FAM135B: variants seen among roughly 807,000 people sequenced by gnomAD.
FAM135B encodes the protein family with sequence similarity 135 member B, also known as protein FAM135B.
Under a neutral mutation model 127.7 loss-of-function variants are expected in FAM135B, and 43 were observed. That is an observed-to-expected ratio of 0.34 (90% confidence interval 0.26 to 0.43). FAM135B has a LOEUF of 0.43. Ranked by LOEUF, FAM135B falls within the 20% of genes least tolerant of loss-of-function variation. FAM135B has a pLI of 1.00. For missense variants in FAM135B, 1,558 were observed against 1,725.6 expected (o/e 0.90, Z 1.72); for synonymous variants, 670 against 665.1 (o/e 1.01, Z -0.11).
At chr8:138,395,464 C>T (rs1832795844) in intron 1 of FAM135B, among the ~76,000 whole-genome samples, 1 of 152,152 alleles carries the variant, frequency 6.6e-6, no homozygotes. Flanking sequence ...AGTCTGTATC[C>T]ACCATCGGCT....
chr8:138,354,038 A>G (rs934991575), intron 2 of FAM135B, among the ~76,000 whole-genome samples: 1 of 151,982 alleles, frequency 6.6e-6, no homozygotes, highest in African/African-American at 2.4e-5. Flanking sequence ...CAAAAACACC[A>G]ATTCTTTTCA....
At position 138,491,402 on chromosome 8, in the gene FAM135B, A is replaced by G. The variant is rs186047323; in HGVS notation, c.-20+5269T>C. On this transcript the variant is annotated intron_variant, in intron 1 of 19. Coordinates refer to ENST00000395297, the MANE Select transcript of FAM135B (RefSeq NM_015912.4). ...TTCCGTGTCCCAAGAAATGTTTCAT[A>G]AGAAATTTGATCTTGGTAGTCTTGC... 3.3e-4 allele frequency among the ~76,000 whole-genome samples: 50 copies of G among 152,314 alleles called. 1 individual carries two copies. Among genetic ancestry groups the G allele is most frequent in the African/African-American group, 1.0e-3 (42 of 41,556 alleles).
chr8:138,373,742 C>T (rs1831293053), intron 1 of FAM135B, among the ~76,000 whole-genome samples: 1 of 151,976 alleles, frequency 6.6e-6, no homozygotes, highest in Non-Finnish European at 1.5e-5. Flanking sequence ...AAAATGGCCC[C>T]CTTGGGTGTG....
At chr8:138,408,572 G>A (rs1454918413) in intron 1 of FAM135B, among the ~76,000 whole-genome samples, 5 of 152,158 alleles carry the variant, frequency 3.3e-5, no homozygotes, top group Non-Finnish European at 5.9e-5. Context: ...TACTACCTGA[G>A]ACTGGATAAT....
intron 1 of FAM135B, among the ~76,000 whole-genome samples, chr8:138,470,481 T>C (rs984036322): frequency 6.6e-6 from 1 of 152,244 alleles, no homozygotes; most frequent in Admixed American, 6.5e-5. Context: ...TTATAACGTA[T>C]TATCAAATAT....
intron 7 of FAM135B, among the ~76,000 whole-genome samples, chr8:138,211,314 C>A (rs1818124902): frequency 6.6e-6 from 1 of 152,186 alleles, no homozygotes; most frequent in Admixed American, 6.5e-5. Context: ...TTAAGATCAA[C>A]TCTATAGGGT....
At chr8:138,417,433 C>A (rs963226246) in intron 1 of FAM135B, among the ~76,000 whole-genome samples, 1 of 152,168 alleles carries the variant, frequency 6.6e-6, no homozygotes, top group Non-Finnish European at 1.5e-5. Context: ...TACTCACCCC[C>A]AGCCGTTCCT....
chr8:138,139,990 G>A (rs1276579669), intron 17 of FAM135B, among the ~76,000 whole-genome samples: 2 of 152,180 alleles, frequency 1.3e-5, no homozygotes, highest in Non-Finnish European at 2.9e-5. Flanking sequence ...CTCTGGATAT[G>A]CTAGATTGGA....
At position 138,226,184 on chromosome 8, in the gene FAM135B, T is replaced by TGTGTGTGTGTGTGTGTGCGCGCGCGC; in HGVS notation, c.669+16757_669+16758insGCGCGCGCGCACACACACACACACAC. Among the ~76,000 whole-genome samples, 463 of 139,270 alleles carry TGTGTGTGTGTGTGTGTGCGCGCGCGC rather than the reference T, an allele frequency of 3.3e-3. 1 individual carries two copies. The highest frequency in any genetic ancestry group is 5.8e-3 in the Non-Finnish European group (377 of 64,868). The allele number at this position is 139,270 out of a possible 152,430, so 91.4% of individuals were successfully genotyped here. On this transcript the variant is annotated intron_variant, in intron 7 of 19. Coordinates refer to ENST00000395297, the MANE Select transcript of FAM135B (RefSeq NM_015912.4). ...GTGTGTGTGTGTGTGTGTGTGTGTG[T>TGTGTGTGTGTGTGTGTGCGCGCGCGC]GCGCGCATGTCATTTTTTTTTTCAT...
chr8:138,487,481 G>A (rs980065114), intron 1 of FAM135B, among the ~76,000 whole-genome samples: 8 of 151,996 alleles, frequency 5.3e-5, no homozygotes, highest in Non-Finnish European at 1.0e-4. Flanking sequence ...CAGAACAGTG[G>A]GGTGCTGTAC....
intron 1 of FAM135B, among the ~76,000 whole-genome samples, chr8:138,458,011 C>T (rs1836901402): frequency 6.6e-6 from 1 of 150,858 alleles, no homozygotes; most frequent in African/African-American, 2.4e-5. Context: ...AAAAACTTAG[C>T]TGGATGTGGC....
chr8:138,456,692 A>G lies in FAM135B; in HGVS notation c.-20+39979T>C, dbSNP rs573579962. Among the ~76,000 whole-genome samples the G allele has an allele frequency of 4.6e-5, 7 of 152,286 alleles. No individual in the cohort carries two copies. In the South Asian group the frequency reaches 1.5e-3, roughly 32 times the overall value. ...TTTCCTAGGAATCATCTTCACTAAA[A>G]TATATACCAAATGGTGATTTCCCCA... On this transcript the variant is annotated intron_variant, in intron 1 of 19. Coordinates refer to ENST00000395297, the MANE Select transcript of FAM135B (RefSeq NM_015912.4).
In FAM135B at chr8:138,425,996, T is replaced by TATATAC. The variant is rs1563992321; in HGVS notation, c.-19-57995_-19-57994insGTATAT. On this transcript the variant is annotated intron_variant, in intron 1 of 19. Coordinates refer to ENST00000395297, the MANE Select transcript of FAM135B (RefSeq NM_015912.4). Reference sequence around the variant, plus strand: ...ATATATATATATATATATATATATATATATATATATATATATACACACACA... The same window carrying TATATAC: ...ATATATATATATATATATATATATATATATACATATATATATATATATACACACACA... 3.7e-4 allele frequency among the ~76,000 whole-genome samples: 6 copies of TATATAC among 16,308 alleles called. No homozygotes were observed. The African/African-American group carries it at 3.7e-3, about 10-fold the overall frequency. The allele number at this position is 16,308 out of a possible 152,430, so 10.7% of individuals were successfully genotyped here. A position where few individuals can be genotyped will look rare whatever the true frequency, so the allele number is the denominator to read the frequency against.
intron 8 of FAM135B, among the ~76,000 whole-genome samples, chr8:138,195,939 G>A (rs1816588807): frequency 6.6e-6 from 1 of 152,200 alleles, no homozygotes; most frequent in Non-Finnish European, 1.5e-5. Flanking sequence ...ATTAAAGCAT[G>A]CTTGCCTAGC....
intron 3 of FAM135B, among the ~76,000 whole-genome samples, chr8:138,309,287 C>A (rs1204681433): frequency 8.2e-6 from 1 of 121,898 alleles, no homozygotes. Context: ...AAGGAGGGAA[C>A]TACTGGATTC....
At chr8:138,458,197 G>C (rs1372183088) in intron 1 of FAM135B, among the ~76,000 whole-genome samples, 1 of 152,134 alleles carries the variant, frequency 6.6e-6, no homozygotes, top group Admixed American at 6.6e-5. Context: ...GCATATAGTA[G>C]CATACTTACA....
chr8:138,324,392 A>G (rs1019094972), intron 2 of FAM135B, among the ~76,000 whole-genome samples: 1 of 152,236 alleles, frequency 6.6e-6, no homozygotes, highest in African/African-American at 2.4e-5. Context: ...TTCCAGCCAG[A>G]CCACTCACCT....
chr8:138,150,866 G>T (rs1418351721), intron 13 of FAM135B, among the ~76,000 whole-genome samples: 1 of 151,910 alleles, frequency 6.6e-6, no homozygotes. Flanking sequence ...ATTTACAATT[G>T]CCATTTGTAC....
At chr8:138,232,830 A>T (rs1820003264) in intron 7 of FAM135B, among the ~76,000 whole-genome samples, 1 of 152,202 alleles carries the variant, frequency 6.6e-6, no homozygotes, top group Admixed American at 6.5e-5. Context: ...TCTTAACAAA[A>T]TTGTAAGTGT....
Sources: gnomAD v4.1 joint callset for allele counts (sites outside exome capture counted in the v4.1 genomes callset) on GRCh38, gnomAD v4.1.1 for gene constraint, MANE v1.5 for transcripts, NCBI Gene and HGNC (gene_info 2026-07-23, HGNC 2026-07-21) for gene names.